The following UBAC1 variants were observed in gnomAD, a reference collection of about 807,000 sequenced individuals.
UBAC1 encodes the protein ubiquitin-associated domain-containing protein 1.
UBAC1 carries 27 observed loss-of-function variants against 45.9 expected under a neutral mutation model. The observed-to-expected ratio is 0.59, with a 90% CI of 0.43 to 0.81. UBAC1 has a LOEUF of 0.81. Among genes scored for constraint, UBAC1 ranks in the 30% least tolerant of loss-of-function variants. The pLI is 0.00. For missense variants in UBAC1, 529 were observed against 539.2 expected (o/e 0.98, Z 0.19); for synonymous variants, 227 against 215.5 (o/e 1.05, Z -0.47).
intron 2 of UBAC1, among the ~76,000 whole-genome samples, chr9:135,954,924 A>G (rs1000210734): frequency 6.6e-6 from 1 of 152,238 alleles, no homozygotes; most frequent in Non-Finnish European, 1.5e-5. Flanking sequence ...ACACAAAACC[A>G]TAAGCAATTA....
At position 135,939,674 on chromosome 9, in the gene UBAC1, G is replaced by A. The variant is rs780086830; in HGVS notation, c.962C>T (p.Ala321Val). The change falls in exon 8 of 10, where the codon GCG becomes GTG. Residue 321 changes from alanine (A) to valine (V), a missense_variant and splice_region_variant. By Grantham distance (64) the Ala-to-Val change is moderately conservative. Coordinates refer to ENST00000371756, the MANE Select transcript of UBAC1 (RefSeq NM_016172.3). ...CACTCACCACAGCCCAACACTCACC[G>A]CGGCATTCTGCTGGTTGTTGTTCAC... Reference protein sequence around the residue: ...LRVNNNQQNAACEWLLGDRKP... With the variant: ...LRVNNNQQNAVCEWLLGDRKP... 8.7e-6 allele frequency: 14 copies of A among 1,612,650 alleles called. No homozygotes were observed. Among genetic ancestry groups the A allele is most frequent in the African/African-American group, 2.7e-5 (2 of 74,878 alleles).
At position 135,955,332 on chromosome 9, in the gene UBAC1, A is replaced by G; in HGVS notation, c.222T>C (p.Asp74=). The G allele has an allele frequency of 6.2e-7, 1 of 1,605,676 alleles. No individual in the cohort carries two copies. Among genetic ancestry groups the G allele is most frequent in the Non-Finnish European group, 8.5e-7 (1 of 1,177,892 alleles). ...IHAASERVLS[D]ARTILEENIQ... is the part of the protein sequence containing the mutation. ...TGTTCTCTTCCAGGATGGTCCTGGC[A>G]TCACTCAGCACCCTCTCTGAGGCAG... The change falls in exon 2 of 10, where the codon GAT becomes GAC. Residue 74 remains aspartate, a synonymous_variant. Coordinates refer to ENST00000371756, the MANE Select transcript of UBAC1 (RefSeq NM_016172.3).
intron 5 of UBAC1, 121 bp from the exon 6 acceptor site, chr9:135,946,118 C>A (rs1467609714): frequency 9.4e-7 from 1 of 1,067,426 alleles, no homozygotes; most frequent in African/African-American, 1.6e-5. Context: ...GGCACATCAA[C>A]AGGAGTTGCC....
chr9:135,938,106 G>A (rs752939978), intron 9 of UBAC1, 116 bp downstream of exon 9: 92 of 1,462,856 alleles, frequency 6.3e-5, no homozygotes, highest in East Asian at 9.2e-5. Context: ...TGCTGCCAGC[G>A]CACGGCGATC....
At chr9:135,948,143 G>A (rs1415377163) in intron 3 of UBAC1, 2 of 458,960 alleles carry the variant, frequency 4.4e-6, no homozygotes, top group Non-Finnish European at 3.9e-6. Context: ...GTGAGGGGCA[G>A]AGCAGGAGCA....
Position 135,939,552 on chromosome 9 carries a change from ACACTCACCACAGCCCACACT to A in UBAC1, c.963+101_963+120del, listed in dbSNP as rs1322385392. 6.2e-4 allele frequency: 583 copies of A among 933,186 alleles called. 3 individuals carry two copies. The South Asian group carries it at 6.7e-3, about 11-fold the overall frequency. The allele number at this position is 933,186 out of a possible 1,614,324, so 57.8% of individuals were successfully genotyped here. On this transcript the variant is annotated intron_variant, in intron 8 of 9. Coordinates refer to ENST00000371756, the MANE Select transcript of UBAC1 (RefSeq NM_016172.3). ...AGCCCCCACTCACTCACCACAGCCC[ACACTCACCACAGCCCACACT>A]CACTCACCACAGCCCACACTCACTC...
intron 9 of UBAC1, among the ~76,000 whole-genome samples, chr9:135,937,181 G>T (rs1839211106): frequency 6.6e-6 from 1 of 151,972 alleles, no homozygotes; most frequent in Admixed American, 6.6e-5. Context: ...GGGACCAACA[G>T]GTCTGTAATC....
At position 135,961,127 on chromosome 9, in the gene UBAC1, C is replaced by T; in HGVS notation, c.36G>A (p.Lys12=). 1 of 1,587,258 alleles carries T rather than the reference C, an allele frequency of 6.3e-7. No homozygotes were observed. The highest frequency in any genetic ancestry group is 8.5e-7 in the Non-Finnish European group (1 of 1,172,140). ...FVQEEKIFAG[K]VLRLHICASD... ...ACGCGCAGATGTGCAGCCGCAGCACCTTGCCCGCGAAGATCTTCTCCTCCT... is the reference window on the plus strand; with the variant it reads ...ACGCGCAGATGTGCAGCCGCAGCACTTTGCCCGCGAAGATCTTCTCCTCCT... Residue 12 remains lysine, a synonymous_variant, in exon 1 of 10, where the codon AAG becomes AAA. Transcript: ENST00000371756.
At chr9:135,937,752 A>G (rs1404030673) in intron 9 of UBAC1, among the ~76,000 whole-genome samples, 1 of 152,274 alleles carries the variant, frequency 6.6e-6, no homozygotes, top group East Asian at 1.9e-4. Context: ...AAAGCTGAAT[A>G]GTAGATACAT....
intron 9 of UBAC1, 46 bp from the exon 10 acceptor site, chr9:135,933,561 GC>G: frequency 1.4e-6 from 2 of 1,432,372 alleles, no homozygotes; most frequent in Non-Finnish European, 2.0e-6. Flanking sequence ...CCCCCACTCA[GC>G]CCACAGGCAC....
At chr9:135,935,198 G>A (rs1157145289) in intron 9 of UBAC1, among the ~76,000 whole-genome samples, 2 of 152,160 alleles carry the variant, frequency 1.3e-5, no homozygotes, top group Non-Finnish European at 2.9e-5. Context: ...TGCCCAACCT[G>A]AGGAAGGACT....
chr9:135,960,582 A>C lies in UBAC1; in HGVS notation c.138+443T>G, dbSNP rs558021739. 1.4e-4 allele frequency among the ~76,000 whole-genome samples: 5 copies of C among 36,438 alleles called. No homozygotes were observed. The East Asian group carries it at 5.1e-3, about 37-fold the overall frequency. 23.9% of individuals were successfully genotyped at this position (36,438 alleles called of 152,430 possible). On this transcript the variant is annotated intron_variant, in intron 1 of 9. Transcript: ENST00000371756. ...CTACGTTAATTCTCAGCTCTCAAAG[A>C]TGCTGCTGAAAAAAAACCTCACCCC... is the stretch of plus-strand genomic sequence containing the variant.
chr9:135,953,251 G>A (rs1015140321), intron 3 of UBAC1, among the ~76,000 whole-genome samples: 5 of 152,098 alleles, frequency 3.3e-5, no homozygotes, highest in African/African-American at 7.2e-5. Context: ...TGTAAATGGC[G>A]AATGCGTGGG....
Position 135,933,196 on chromosome 9 carries a change from G to A in UBAC1, c.*204C>T. On this transcript the variant is annotated 3_prime_UTR_variant, in exon 10 of 10. Coordinates refer to ENST00000371756, the MANE Select transcript of UBAC1 (RefSeq NM_016172.3). ...GACAACCACTTTTTTGTAAACACCT[G>A]TCAGATGCTAAAAATACGGCCTTAC... 1.8e-6 allele frequency: 1 copy of A among 551,868 alleles called. No individual in the cohort carries two copies. The highest frequency in any genetic ancestry group is 2.2e-5 in the South Asian group (1 of 44,650). 34.2% of individuals were successfully genotyped at this position (551,868 alleles called of 1,614,324 possible).
At chr9:135,939,613 T>TACCACAGCCCACACTCACTC (rs1041443599) in intron 8 of UBAC1, 60 bp downstream of exon 8, 11 of 1,483,992 alleles carry the variant, frequency 7.4e-6, no homozygotes, top group African/African-American at 3.0e-5. Flanking sequence ...AGCCCACACT[T>TACCACAGCCCACACTCACTC]ACCACAGCCC....
chr9:135,954,802 T>C (rs941169145), intron 2 of UBAC1, among the ~76,000 whole-genome samples: 7 of 152,232 alleles, frequency 4.6e-5, no homozygotes, highest in Admixed American at 4.6e-4. Context: ...CGGATATCTG[T>C]TAGCAATACT....
At chr9:135,935,333 T>C (rs1033135640) in intron 9 of UBAC1, among the ~76,000 whole-genome samples, 1 of 152,204 alleles carries the variant, frequency 6.6e-6, no homozygotes, top group Non-Finnish European at 1.5e-5. Context: ...AAGGAAGCTC[T>C]AGGATTAATA....
intron 3 of UBAC1, among the ~76,000 whole-genome samples, chr9:135,950,002 G>C (rs1243194749): frequency 6.6e-6 from 1 of 152,230 alleles, no homozygotes; most frequent in Non-Finnish European, 1.5e-5. Context: ...CAGGCCCTGA[G>C]AGCAGCCCCC....
rs113800964 is a variant in UBAC1, at chr9:135,947,798, G to A, written c.441C>T (p.Asp147=). 7,145 of 1,612,644 alleles carry A rather than the reference G, an allele frequency of 4.4e-3. 235 individuals carry two copies. In the African/African-American group the frequency reaches 0.08, roughly 18 times the overall value. The change falls in exon 4 of 10, where the codon GAC becomes GAT. Residue 147 remains aspartate (D), a splice_region_variant and synonymous_variant. Coordinates refer to ENST00000371756, the MANE Select transcript of UBAC1 (RefSeq NM_016172.3). ...GCCGCCGCTCTGGGCTGACACTCAC[G>A]TCTCTCATGTTGGTCTGGACCGCGG... The part of the protein sequence containing the change: ...DRAAVQTNMR[D]FQTELRKILV...
Sources: gnomAD v4.1 joint callset for allele counts (sites outside exome capture counted in the v4.1 genomes callset) on GRCh38, gnomAD v4.1.1 for gene constraint, MANE v1.5 for transcripts, NCBI Gene and HGNC (gene_info 2026-07-23, HGNC 2026-07-21) for gene names.